The following RGSL1 variants were observed in gnomAD, a reference collection of about 807,000 sequenced individuals.
RGSL1 encodes the protein regulator of G protein signaling like 1.
Under a neutral mutation model 124.7 loss-of-function variants are expected in RGSL1, and 97 were observed. The ratio of observed to expected loss-of-function variants is 0.78; its 90% CI spans 0.66 to 0.92. RGSL1 has a LOEUF of 0.92. Ranked by LOEUF, RGSL1 falls within the 40% of genes least tolerant of loss-of-function variation. The pLI, the probability that RGSL1 is intolerant of heterozygous loss-of-function variation, is 0.00. For synonymous variants in RGSL1, 424 were observed against 438.1 expected (o/e 0.97, Z 0.40); for missense variants, 1,233 against 1,288.4 (o/e 0.96, Z 0.66).
At chr1:182,546,370 C>G in intron 15 of RGSL1, among the ~76,000 whole-genome samples, 1 of 150,410 alleles carries the variant, frequency 6.6e-6, no homozygotes, top group East Asian at 1.9e-4. Context: ...ATGTTTTAAA[C>G]TGCCTGGCCA....
At chr1:182,503,974 C>CTTTTTTTTT (rs71124902) in intron 9 of RGSL1, among the ~76,000 whole-genome samples, 1 of 118,232 alleles carries the variant, frequency 8.5e-6, no homozygotes, top group African/African-American at 3.2e-5. Flanking sequence ...TTTGTAATTT[C>CTTTTTTTTT]TTTTTTTTTT....
At chr1:182,497,337 TA>T (rs1656003234) in intron 9 of RGSL1, among the ~76,000 whole-genome samples, 5 of 148,156 alleles carry the variant, frequency 3.4e-5, no homozygotes, top group African/African-American at 1.2e-4. Context: ...TATATATATA[TA>T]TTTTTATATC....
chr1:182,497,743 A>G (rs958924179), intron 9 of RGSL1, among the ~76,000 whole-genome samples: 1 of 152,122 alleles, frequency 6.6e-6, no homozygotes, highest in Admixed American at 6.6e-5. Flanking sequence ...TTCCAAGTCT[A>G]TTTTTACAGA....
intron 9 of RGSL1, among the ~76,000 whole-genome samples, chr1:182,512,754 A>G (rs1193721535): frequency 6.6e-6 from 1 of 152,176 alleles, no homozygotes; most frequent in Non-Finnish European, 1.5e-5. Flanking sequence ...ATTTTACTGG[A>G]TGATGGAGGT....
chr1:182,498,999 G>T (rs950095124), intron 9 of RGSL1, among the ~76,000 whole-genome samples: 1 of 152,088 alleles, frequency 6.6e-6, no homozygotes, highest in African/African-American at 2.4e-5. Context: ...CACAATGTTG[G>T]CCAGGCTGGT....
intron 15 of RGSL1, among the ~76,000 whole-genome samples, chr1:182,547,197 G>T (rs1660265115): frequency 6.6e-6 from 1 of 152,210 alleles, no homozygotes; most frequent in South Asian, 2.1e-4. Flanking sequence ...GAGGATGGCA[G>T]AAAAGACACA....
At chr1:182,467,923 C>T (rs1653483653) in intron 4 of RGSL1, among the ~76,000 whole-genome samples, 1 of 151,854 alleles carries the variant, frequency 6.6e-6, no homozygotes, top group Admixed American at 6.6e-5. Context: ...ATTTACAAGA[C>T]AAAAACAAAC....
intron 6 of RGSL1, among the ~76,000 whole-genome samples, chr1:182,481,649 T>A (rs905617191): frequency 6.6e-6 from 1 of 151,940 alleles, no homozygotes; most frequent in African/African-American, 2.4e-5. Context: ...AAACCACGGG[T>A]CAATATCCCT....
intron 4 of RGSL1, 41 bp downstream of exon 4, chr1:182,460,174 G>A (rs914670983): frequency 1.3e-6 from 2 of 1,520,144 alleles, no homozygotes; most frequent in Non-Finnish European, 1.8e-6. Context: ...GTGTGTGTGT[G>A]TGTGTGTGTG....
At position 182,551,129 on chromosome 1, in the gene RGSL1, A is replaced by T; in HGVS notation, c.2963A>T (p.Tyr988Phe). 6.4e-7 allele frequency: 1 copy of T among 1,551,702 alleles called. No homozygotes were observed. Among genetic ancestry groups the T allele is most frequent in the Non-Finnish European group, 8.7e-7 (1 of 1,146,978 alleles). The change falls in exon 18 of 22, where the codon TAC becomes TTC. Residue 988 changes from tyrosine (Y) to phenylalanine (F), a missense_variant. By Grantham distance (22) the Tyr-to-Phe change is conservative. Transcript: ENST00000294854. ...RFCFWKATRS[Y>F]LQYRGKKFKD... ...TGTTTCTGGAAGGCAACCCGCTCTT[A>T]CTTACAGTATAGGGGGAAGAAGTTC...
chr1:182,526,821 A>T (rs143745040), intron 10 of RGSL1, among the ~76,000 whole-genome samples: 1 of 152,336 alleles, frequency 6.6e-6, no homozygotes, highest in South Asian at 2.1e-4. Flanking sequence ...CAATAAAATT[A>T]GAATAGAAGG....
At chr1:182,461,622 A>G (rs1652842340) in intron 4 of RGSL1, among the ~76,000 whole-genome samples, 1 of 152,190 alleles carries the variant, frequency 6.6e-6, no homozygotes, top group South Asian at 2.1e-4. Flanking sequence ...AAGTCAAGAA[A>G]GTGATAAATG....
intron 10 of RGSL1, among the ~76,000 whole-genome samples, 153 bp from the exon 11 acceptor site, chr1:182,527,426 A>T (rs1420094966): frequency 6.6e-6 from 1 of 152,200 alleles, no homozygotes; most frequent in Non-Finnish European, 1.5e-5. Context: ...TCACCAAAGA[A>T]ATAGACAGAT....
chr1:182,559,901 G>A (rs1259176451), intron 21 of RGSL1, among the ~76,000 whole-genome samples: 1 of 152,032 alleles, frequency 6.6e-6, no homozygotes, highest in Non-Finnish European at 1.5e-5. Context: ...TCATGTATGT[G>A]TCTCACCTAC....
In RGSL1 at chr1:182,473,831, C is replaced by G. The variant is rs748954974; in HGVS notation, c.720C>G (p.His240Gln). 1.3e-6 allele frequency: 2 copies of G among 1,551,700 alleles called. No homozygotes were observed. Among genetic ancestry groups the G allele is most frequent in the South Asian group, 2.4e-5 (2 of 84,060 alleles). ...LPLNMSIKKC[H>Q]HFQKRYSSRK... ...TGAACATGAGCATCAAGAAGTGCCACCACTTTCAGAAACGGTACTCAAGCA... is the reference window on the plus strand; with the variant it reads ...TGAACATGAGCATCAAGAAGTGCCAGCACTTTCAGAAACGGTACTCAAGCA... Residue 240 changes from histidine (H) to glutamine (Q), a missense_variant, in exon 6 of 22, where the codon CAC becomes CAG. Physicochemically the swap from His to Gln is conservative, Grantham distance 24. Transcript: ENST00000294854.
intron 10 of RGSL1, among the ~76,000 whole-genome samples, chr1:182,523,437 A>T (rs1658503960): frequency 6.6e-6 from 1 of 152,134 alleles, no homozygotes; most frequent in African/African-American, 2.4e-5. Context: ...AACTGAAATT[A>T]TTCTCTGAGG....
intron 12 of RGSL1, 24 bp from the exon 13 acceptor site, chr1:182,530,764 TGA>T: frequency 6.7e-7 from 1 of 1,501,860 alleles, no homozygotes; most frequent in Admixed American, 2.6e-5. Context: ...TTGCCCTGTT[TGA>T]TATTACTGAT....
chr1:182,500,170 T>C (rs767293102), intron 9 of RGSL1, among the ~76,000 whole-genome samples: 1 of 152,216 alleles, frequency 6.6e-6, no homozygotes. Flanking sequence ...TTGTTATTCA[T>C]TTTGAGTTAA....
chr1:182,500,707 C>T (rs1050540198), intron 9 of RGSL1, among the ~76,000 whole-genome samples: 1 of 152,134 alleles, frequency 6.6e-6, no homozygotes, highest in African/African-American at 2.4e-5. Context: ...ACAAGTTTTA[C>T]ATTTTCATGA....
Sources: allele counts gnomAD v4.1 joint callset (sites outside exome capture counted in the v4.1 genomes callset), GRCh38; gene constraint gnomAD v4.1.1; transcripts MANE v1.5; gene names NCBI Gene and HGNC (gene_info 2026-07-23, HGNC 2026-07-21).